The following DTWD2 variants were observed in gnomAD, a reference collection of about 807,000 sequenced individuals.
The protein encoded by DTWD2 is tRNA-uridine aminocarboxypropyltransferase 2.
A neutral mutation model predicts 31.8 loss-of-function variants in DTWD2; 39 were observed. That is an observed-to-expected ratio of 1.22 (90% CI 0.95 to 1.60). The LOEUF (loss-of-function observed/expected upper bound fraction) is 1.60, where lower values mean the gene tolerates loss of function less well. Among genes scored for constraint, DTWD2 ranks in the 40% most tolerant of loss-of-function variants. The pLI is 0.00. For missense variants in DTWD2, 515 were observed against 381.5 expected (o/e 1.35, Z -2.92); for synonymous variants, 180 against 142.8 (o/e 1.26, Z -1.86).
rs1752533791 is a variant in DTWD2 at position 118,872,733 on chromosome 5, T to C, written c.598-24515A>G. ...TGAAACATTGTAAGAATTACCAAAA[T>C]GTTAAACAGACATGATCTGAGCACA... On this transcript the variant is annotated intron_variant, in intron 4 of 5. Coordinates refer to ENST00000510708, the MANE Select transcript of DTWD2 (RefSeq NM_173666.4). Among the ~76,000 whole-genome samples the C allele has an allele frequency of 3.3e-5, 5 of 152,172 alleles. No homozygotes were observed. In the South Asian group the frequency reaches 1.0e-3, roughly 32 times the overall value.
At chr5:118,846,143 T>C (rs1485412603) in intron 5 of DTWD2, among the ~76,000 whole-genome samples, 1 of 152,214 alleles carries the variant, frequency 6.6e-6, no homozygotes, top group East Asian at 1.9e-4. Context: ...GAAACATTCT[T>C]AGCTAATAGG....
At chr5:118,933,890 A>G (rs2149581384) in intron 3 of DTWD2, among the ~76,000 whole-genome samples, 1 of 141,116 alleles carries the variant, frequency 7.1e-6, no homozygotes, top group South Asian at 2.1e-4. Flanking sequence ...AAATAAATAA[A>G]TAAATAAATA....
intron 1 of DTWD2, among the ~76,000 whole-genome samples, chr5:118,950,942 T>C (rs1458822739): frequency 6.6e-6 from 1 of 152,104 alleles, no homozygotes; most frequent in African/African-American, 2.4e-5. Flanking sequence ...GGTAATAAAA[T>C]GCATATTGAG....
At chr5:118,930,106 C>T (rs754342883) in intron 3 of DTWD2, among the ~76,000 whole-genome samples, 1 of 152,174 alleles carries the variant, frequency 6.6e-6, no homozygotes, top group Non-Finnish European at 1.5e-5. Flanking sequence ...CTCCCTTACA[C>T]GTCAATAAAT....
At chr5:118,987,141 A>G (rs561080553) in intron 1 of DTWD2, among the ~76,000 whole-genome samples, 1 of 152,262 alleles carries the variant, frequency 6.6e-6, no homozygotes, top group South Asian at 2.1e-4. Flanking sequence ...CCAGTATCCT[A>G]TTGAGACCCC....
chr5:118,926,702 A>T (rs1279843013), intron 4 of DTWD2, among the ~76,000 whole-genome samples: 1 of 152,134 alleles, frequency 6.6e-6, no homozygotes, highest in Non-Finnish European at 1.5e-5. Context: ...TGTTCAAAAA[A>T]GAAAGTGATT....
chr5:118,977,895 G>C (rs73240722), intron 1 of DTWD2, among the ~76,000 whole-genome samples: 26,906 of 151,904 alleles, frequency 0.18, 2,557 homozygotes, highest in Middle Eastern at 0.24. Context: ...AGGAAAAGAG[G>C]AAAACTGGAG....
chr5:118,893,360 C>CAA lies in DTWD2; in HGVS notation c.597+35175_597+35176dup, dbSNP rs751616981. 8.2e-3 allele frequency among the ~76,000 whole-genome samples: 431 copies of CAA among 52,482 alleles called. 4 individuals carry two copies. Among genetic ancestry groups the CAA allele is most frequent in the African/African-American group, 0.023 (415 of 17,888 alleles). The allele number at this position is 52,482 out of a possible 152,430, so 34.4% of individuals were successfully genotyped here. A position where few individuals can be genotyped will look rare whatever the true frequency, so the allele number is the denominator to read the frequency against. ...TGGGCAACACACTAAGACACAGTCT[C>CAA]AAAAAAAAAAAAAAAAAAAAGTGGA... On this transcript the variant is annotated intron_variant, in intron 4 of 5. Coordinates refer to ENST00000510708, the MANE Select transcript of DTWD2 (RefSeq NM_173666.4).
chr5:118,847,939 G>A (rs1007217732), intron 5 of DTWD2, 151 bp downstream of exon 5: 1 of 779,070 alleles, frequency 1.3e-6, no homozygotes, highest in Non-Finnish European at 1.9e-6. Context: ...AAACACCAGA[G>A]AGGAAACAAG....
intron 5 of DTWD2, among the ~76,000 whole-genome samples, chr5:118,844,967 G>A (rs1056966006): frequency 1.3e-5 from 2 of 151,754 alleles, no homozygotes; most frequent in Admixed American, 6.6e-5. Flanking sequence ...GACTCCCCCC[G>A]CCTCTCCCAT....
At chr5:118,935,332 T>C (rs1033649278) in intron 3 of DTWD2, among the ~76,000 whole-genome samples, 9 of 152,152 alleles carry the variant, frequency 5.9e-5, no homozygotes, top group African/African-American at 2.2e-4. Context: ...AAGCCCCAAC[T>C]TGAAGCTGAT....
intron 4 of DTWD2, among the ~76,000 whole-genome samples, chr5:118,879,565 G>T (rs537256407): frequency 7.2e-6 from 1 of 138,754 alleles, no homozygotes; most frequent in South Asian, 2.2e-4. Context: ...AGCCAAGATC[G>T]CACCACTACA....
intron 4 of DTWD2, among the ~76,000 whole-genome samples, chr5:118,862,026 G>T (rs1474600719): frequency 6.6e-6 from 1 of 152,206 alleles, no homozygotes; most frequent in East Asian, 1.9e-4. Flanking sequence ...GATGTGAGTG[G>T]CAGCAGGTGG....
intron 4 of DTWD2, among the ~76,000 whole-genome samples, chr5:118,852,884 TA>T (rs112309846): frequency 1.9e-4 from 28 of 151,334 alleles, no homozygotes; most frequent in South Asian, 8.4e-4. Flanking sequence ...TATGCATTCA[TA>T]AAAAAAAATG....
At chr5:118,843,035 C>T (rs1385439227) in intron 5 of DTWD2, among the ~76,000 whole-genome samples, 1 of 148,648 alleles carries the variant, frequency 6.7e-6, no homozygotes, top group African/African-American at 2.5e-5. Flanking sequence ...CAGCTCACTG[C>T]AACCTCCGCC....
intron 4 of DTWD2, among the ~76,000 whole-genome samples, chr5:118,904,074 T>C (rs1753273977): frequency 6.6e-6 from 1 of 152,040 alleles, no homozygotes. Flanking sequence ...AGAAAGACAT[T>C]TAAAACAATG....
intron 4 of DTWD2, among the ~76,000 whole-genome samples, chr5:118,873,014 G>A (rs1378174200): frequency 3.3e-5 from 5 of 152,168 alleles, no homozygotes; most frequent in Non-Finnish European, 7.3e-5. Flanking sequence ...CATGCACTGG[G>A]ACTCATTTTT....
intron 1 of DTWD2, among the ~76,000 whole-genome samples, chr5:118,978,913 G>A (rs1309424701): frequency 6.6e-6 from 1 of 152,132 alleles, no homozygotes; most frequent in Non-Finnish European, 1.5e-5. Context: ...GGCTGAAGCA[G>A]GAGGAATGCT....
rs999079485 is a variant in DTWD2, at chr5:118,875,495, G to C, written c.598-27277C>G. On this transcript the variant is annotated intron_variant, in intron 4 of 5. Coordinates refer to ENST00000510708, the MANE Select transcript of DTWD2 (RefSeq NM_173666.4). ...GTGATATACATGGGCTCAAAATAAA[G>C]GGAGGGAGAAAAATCTACCAAGCAA... is the stretch of plus-strand genomic sequence containing the variant. Among the ~76,000 whole-genome samples, 3 of 146,300 alleles carry C rather than the reference G, an allele frequency of 2.1e-5. No homozygotes were observed. The South Asian group carries it at 6.4e-4, about 31-fold the overall frequency.
Sources: allele counts gnomAD v4.1 joint callset (sites outside exome capture counted in the v4.1 genomes callset), GRCh38; gene constraint gnomAD v4.1.1; transcripts MANE v1.5; gene names NCBI Gene and HGNC (gene_info 2026-07-23, HGNC 2026-07-21).